The following PPFIBP1 variants were observed in gnomAD, a reference collection of about 807,000 sequenced individuals.
PPFIBP1 encodes the protein liprin-beta-1.
Under a neutral mutation model 137.8 loss-of-function variants are expected in PPFIBP1, and 112 were observed. The ratio of observed to expected loss-of-function variants is 0.81; its 90% CI spans 0.70 to 0.95. PPFIBP1 has a LOEUF of 0.95. Ranked by LOEUF, PPFIBP1 falls within the 40% of genes least tolerant of loss-of-function variation. The pLI, the probability that PPFIBP1 is intolerant of heterozygous loss-of-function variation, is 0.00. For synonymous variants in PPFIBP1, 378 were observed against 417.3 expected (o/e 0.91, Z 1.15); for missense variants, 1,083 against 1,196.6 (o/e 0.91, Z 1.40).
At chr12:27,571,349 A>G (rs1465515313) in intron 1 of PPFIBP1, among the ~76,000 whole-genome samples, 3 of 152,168 alleles carry the variant, frequency 2.0e-5, no homozygotes, top group Admixed American at 6.5e-5. Flanking sequence ...GCCAAAGGCT[A>G]TTATATTTTT....
intron 4 of PPFIBP1, among the ~76,000 whole-genome samples, chr12:27,644,435 ATC>A (rs1227701266): frequency 6.6e-6 from 1 of 151,980 alleles, no homozygotes; most frequent in Non-Finnish European, 1.5e-5. Flanking sequence ...ACTGAAATGT[ATC>A]TGTTTCCAAA....
chr12:27,678,085 A>T (rs993758311), intron 19 of PPFIBP1: 9 of 152,244 alleles, frequency 5.9e-5, no homozygotes, highest in Admixed American at 3.9e-4. Flanking sequence ...CTATAATCAC[A>T]GCTCTGCTTT....
chr12:27,641,122 G>A (rs1310539001), intron 4 of PPFIBP1, among the ~76,000 whole-genome samples: 1 of 152,164 alleles, frequency 6.6e-6, no homozygotes, highest in Non-Finnish European at 1.5e-5. Flanking sequence ...TATATGCAGT[G>A]TTACTAATCC....
intron 1 of PPFIBP1, among the ~76,000 whole-genome samples, chr12:27,563,277 TAAAAAAAA>T (rs869044515): frequency 3.2e-4 from 7 of 22,174 alleles, no homozygotes; most frequent in East Asian, 2.9e-3. Flanking sequence ...CCATCTCTAC[TAAAAAAAA>T]AAAAAAAAAA....
intron 1 of PPFIBP1, among the ~76,000 whole-genome samples, chr12:27,552,295 T>G (rs1340577966): frequency 6.6e-6 from 1 of 152,226 alleles, no homozygotes; most frequent in Admixed American, 6.5e-5. Flanking sequence ...ATAGAGAAAT[T>G]TATTGTTAAT....
At chr12:27,570,160 T>C (rs1251360249) in intron 1 of PPFIBP1, among the ~76,000 whole-genome samples, 1 of 152,200 alleles carries the variant, frequency 6.6e-6, no homozygotes, top group Admixed American at 6.5e-5. Flanking sequence ...ATTTTCACCA[T>C]ATATTTATTT....
chr12:27,610,303 CATG>C (rs1350458740), intron 2 of PPFIBP1, among the ~76,000 whole-genome samples: 1 of 152,168 alleles, frequency 6.6e-6, no homozygotes, highest in Non-Finnish European at 1.5e-5. Flanking sequence ...TTGTTCTTTG[CATG>C]ACTAGGATGA....
At chr12:27,662,287 A>G (rs1037822666) in intron 11 of PPFIBP1, among the ~76,000 whole-genome samples, 2 of 152,192 alleles carry the variant, frequency 1.3e-5, no homozygotes, top group Admixed American at 6.5e-5. Context: ...CATGAAGTGC[A>G]GGTGGAGTCG....
rs567659901 is a variant in PPFIBP1 at position 27,603,668 on chromosome 12, C to G, written c.-36+25429C>G. 4.6e-5 allele frequency among the ~76,000 whole-genome samples: 7 copies of G among 152,264 alleles called. No homozygotes were observed. In the East Asian group the frequency reaches 1.4e-3, roughly 29 times the overall value. The stretch of plus-strand genomic sequence containing the variant: ...CTGGCCATCATGGTTAGGGAACCAC[C>G]AGAGTTAGCATCCTTTCGCAATGTT... On this transcript the variant is annotated intron_variant, in intron 2 of 29. Coordinates refer to ENST00000228425, the MANE Select transcript of PPFIBP1 (RefSeq NM_003622.4).
chr12:27,626,439 C>T (rs1482191432), intron 2 of PPFIBP1, among the ~76,000 whole-genome samples: 1 of 152,106 alleles, frequency 6.6e-6, no homozygotes, highest in Non-Finnish European at 1.5e-5. Flanking sequence ...AAAGACAGGC[C>T]TCAGTGTGTG....
chr12:27,591,810 C>T (rs1409523194), intron 2 of PPFIBP1, among the ~76,000 whole-genome samples: 3 of 152,184 alleles, frequency 2.0e-5, no homozygotes, highest in Non-Finnish European at 4.4e-5. Flanking sequence ...GCAACACATG[C>T]TAGAACCTGT....
intron 20 of PPFIBP1, 134 bp downstream of exon 20, chr12:27,679,773 T>G: frequency 7.3e-7 from 1 of 1,368,194 alleles, no homozygotes; most frequent in Non-Finnish European, 1.0e-6. Context: ...ATGTGGGATT[T>G]ATTAACTCAT....
intron 4 of PPFIBP1, among the ~76,000 whole-genome samples, chr12:27,641,539 T>G (rs1375726211): frequency 6.6e-6 from 1 of 152,240 alleles, no homozygotes; most frequent in Non-Finnish European, 1.5e-5. Flanking sequence ...TTAAATCTAT[T>G]TGAAATTTTC....
chr12:27,604,592 C>T (rs762874840), intron 2 of PPFIBP1, among the ~76,000 whole-genome samples: 1 of 152,202 alleles, frequency 6.6e-6, no homozygotes, highest in Non-Finnish European at 1.5e-5. Flanking sequence ...CTGCACTTCC[C>T]TGAAGCTAAA....
At chr12:27,590,088 T>C (rs1257938509) in intron 2 of PPFIBP1, among the ~76,000 whole-genome samples, 1 of 152,238 alleles carries the variant, frequency 6.6e-6, no homozygotes, top group Non-Finnish European at 1.5e-5. Flanking sequence ...TTTAAAATTA[T>C]ATAGACAGGA....
chr12:27,599,470 A>T (rs972094714), intron 2 of PPFIBP1: 10 of 455,856 alleles, frequency 2.2e-5, no homozygotes, highest in Middle Eastern at 3.2e-4. Flanking sequence ...TTCTCAGCCT[A>T]CATAAATGCG....
rs184731973 is a variant in PPFIBP1 at position 27,602,143 on chromosome 12, T to A, written c.-36+23904T>A. The stretch of plus-strand genomic sequence containing the variant: ...AGCAAAAAGTTTCATTAGAAGCAGA[T>A]GGGACAATATTCTAGCGTCAGGATT... On this transcript the variant is annotated intron_variant, in intron 2 of 29. Transcript: ENST00000228425. 2.8e-3 allele frequency among the ~76,000 whole-genome samples: 430 copies of A among 152,276 alleles called. 2 individuals carry two copies. The highest frequency in any genetic ancestry group is 0.01 in the African/African-American group (417 of 41,556).
intron 1 of PPFIBP1, chr12:27,547,951 A>C (rs1592376551): frequency 6.6e-6 from 1 of 152,246 alleles, no homozygotes; most frequent in East Asian, 1.9e-4. Context: ...CCTTTGAGAA[A>C]GAAACAAGTG....
intron 2 of PPFIBP1, among the ~76,000 whole-genome samples, chr12:27,589,981 C>G (rs745533476): frequency 5.3e-5 from 8 of 152,148 alleles, no homozygotes; most frequent in Non-Finnish European, 1.2e-4. Flanking sequence ...ATGTTCTCTT[C>G]TTGTCTGCCT....
Sources: gnomAD v4.1 joint callset for allele counts (sites outside exome capture counted in the v4.1 genomes callset) on GRCh38, gnomAD v4.1.1 for gene constraint, MANE v1.5 for transcripts, NCBI Gene and HGNC (gene_info 2026-07-23, HGNC 2026-07-21) for gene names.